SNX19: variants seen among roughly 807,000 people sequenced by gnomAD.
The protein encoded by SNX19 is sorting nexin 19.
SNX19 carries 60 observed loss-of-function variants against 85.2 expected under a neutral mutation model. The ratio of observed to expected loss-of-function variants is 0.70; its 90% confidence interval spans 0.57 to 0.87. SNX19 has a LOEUF of 0.87. SNX19 is among the 40% of genes least tolerant of loss of function. The probability of loss-of-function intolerance (pLI) is 0.00; values close to 1 mark genes in which losing one functional copy is unlikely to be tolerated. For missense variants in SNX19, 1,201 were observed against 1,217.8 expected, an observed-to-expected ratio of 0.99 and a Z score of 0.21; for synonymous variants, 520 against 470.0, an observed-to-expected ratio of 1.11 and a Z score of -1.38.
intron 1 of SNX19, 66 bp from the exon 2 acceptor site, chr11:130,911,837 C>T: frequency 1.3e-6 from 2 of 1,531,942 alleles, no homozygotes; most frequent in Non-Finnish European, 1.8e-6. Flanking sequence ...TCTGGCTTTA[C>T]TGACTACTTG....
Position 130,914,273 on chromosome 11 carries a change from G to C in SNX19, c.1667C>G (p.Thr556Ser). ...GTGFHPYTLY[T>S]VKYETALDGE... Reference sequence around the variant, plus strand: ...CAGCTTTAATCCTGTTACCTTCACAGTATAGAGTGTGTATGGGTGGAATCC... The same window carrying C: ...CAGCTTTAATCCTGTTACCTTCACACTATAGAGTGTGTATGGGTGGAATCC... Residue 556 changes from threonine (T) to serine (S), a missense_variant, in exon 1 of 11, where the codon ACT becomes AGT. Thr to Ser is a moderately conservative substitution (Grantham distance 58). Around this residue, in one of 3 missense-constraint regions of SNX19, gnomAD observed 791 missense variants for 750.9 expected, o/e 1.05. Coordinates refer to ENST00000265909, the MANE Select transcript of SNX19 (RefSeq NM_014758.3). 6.3e-7 allele frequency: 1 copy of C among 1,576,798 alleles called. No homozygotes were observed.
Position 130,868,673 on chromosome 11 carries a change from A to C in SNX19, c.*9749T>G, listed in dbSNP as rs4411284. The C allele has an allele frequency of 0.43, 65,214 of 151,922 alleles. 14,376 individuals carry two copies. Among genetic ancestry groups the C allele is most frequent in the South Asian group, 0.56 (2,697 of 4,810 alleles). The allele number at this position is 151,922 out of a possible 1,614,324, so 9.4% of individuals were successfully genotyped here. ...TGAGGTTAAGTACTCCTCCGCCCCCAACCCCCCGACCACACCCCATGCCCA... is the reference window on the plus strand; with the variant it reads ...TGAGGTTAAGTACTCCTCCGCCCCCCACCCCCCGACCACACCCCATGCCCA... On this transcript the variant is annotated 3_prime_UTR_variant, in exon 11 of 11. Transcript: ENST00000265909.
intron 4 of SNX19, among the ~76,000 whole-genome samples, chr11:130,908,907 T>C (rs781417776): frequency 1.3e-5 from 2 of 152,222 alleles, no homozygotes; most frequent in Non-Finnish European, 2.9e-5. Context: ...CCATGCCTTC[T>C]TTGACTCATT....
rs577295659 is a variant in SNX19 at position 130,876,968 on chromosome 11, A to G, written c.*1454T>C. On this transcript the variant is annotated 3_prime_UTR_variant, in exon 11 of 11. Coordinates refer to ENST00000265909, the MANE Select transcript of SNX19 (RefSeq NM_014758.3). ...CCTCCAGAGGGGCAAAAAAGTAAAA[A>G]GATTTTACAACTTTCTTCCACAAAC... 6.6e-6 allele frequency: 1 copy of G among 152,374 alleles called. No individual in the cohort carries two copies. Among genetic ancestry groups the G allele is most frequent in the Admixed American group, 6.5e-5 (1 of 15,312 alleles). The allele number at this position is 152,374 out of a possible 1,614,324, so 9.4% of individuals were successfully genotyped here.
intron 8 of SNX19, among the ~76,000 whole-genome samples, chr11:130,892,038 T>A (rs1477012454): frequency 1.3e-5 from 2 of 151,626 alleles, no homozygotes; most frequent in African/African-American, 4.9e-5. Context: ...AAGACGGGGT[T>A]TCACCATGTT....
At position 130,866,664 on chromosome 11, in the gene SNX19, G is replaced by A. The variant is rs1240122839; in HGVS notation, c.*11758C>T. On this transcript the variant is annotated 3_prime_UTR_variant, in exon 11 of 11. Coordinates refer to ENST00000265909, the MANE Select transcript of SNX19 (RefSeq NM_014758.3). The stretch of plus-strand genomic sequence containing the variant: ...ATTCTGCCCAGAGCAACGGAGGGCA[G>A]CGTGGTTTACCAGCGAAAGGACTGA... 2 of 152,344 alleles carry A rather than the reference G, an allele frequency of 1.3e-5. No individual in the cohort carries two copies. The highest frequency in any genetic ancestry group is 3.9e-4 in the East Asian group (2 of 5,192). The allele number at this position is 152,344 out of a possible 1,614,324, so 9.4% of individuals were successfully genotyped here.
intron 8 of SNX19, chr11:130,893,738 G>C: frequency 1.4e-6 from 1 of 694,438 alleles, no homozygotes; most frequent in African/African-American, 1.8e-5. Context: ...CTGGGGGAGA[G>C]AGGAGGCAGG....
chr11:130,906,518 C>A, intron 6 of SNX19, 107 bp downstream of exon 6: 2 of 803,874 alleles, frequency 2.5e-6, no homozygotes, highest in South Asian at 1.5e-5. Flanking sequence ...TTGATTAAGT[C>A]ATTTAGCAGG....
rs771372050 is a variant in SNX19 at position 130,915,388 on chromosome 11, C to G, written c.552G>C (p.Glu184Asp). 5 of 1,614,016 alleles carry G rather than the reference C, an allele frequency of 3.1e-6. No individual in the cohort carries two copies. The highest frequency in any genetic ancestry group is 1.1e-5 in the South Asian group (1 of 91,080). Residue 184 changes from glutamate to aspartate, a missense_variant, in exon 1 of 11, where the codon GAG (glutamate) becomes GAC (aspartate). Coordinates refer to ENST00000265909, the MANE Select transcript of SNX19 (RefSeq NM_014758.3). ...AGTAAGCCTCCCAGAGGTGGGAAGG[C>G]TCAACTGGACCATTCTTCCCTGCAG... ...EATAGKNGPV[E>D]PSHLWEAYCR...
Position 130,910,007 on chromosome 11 carries a change from C to A in SNX19, c.2034+11G>T, listed in dbSNP as rs1945970279. On this transcript the variant is annotated intron_variant, in intron 4 of 10. Transcript: ENST00000265909. ...CAAAACTAAAGCTGAGCACAGTGGC[C>A]CTGCTGGTACCTTGTCTATTCTAGA... 1.2e-6 allele frequency: 2 copies of A among 1,612,444 alleles called. No homozygotes were observed. The highest frequency in any genetic ancestry group is 2.2e-5 in the South Asian group (2 of 90,992).
chr11:130,908,837 G>A (rs757341289), intron 4 of SNX19, among the ~76,000 whole-genome samples: 1 of 152,200 alleles, frequency 6.6e-6, no homozygotes, highest in East Asian at 1.9e-4. Context: ...GAAACAGAAC[G>A]AAACATTTAC....
chr11:130,880,891 G>A, intron 8 of SNX19, 85 bp from the exon 9 acceptor site: 1 of 1,167,670 alleles, frequency 8.6e-7, no homozygotes, highest in Non-Finnish European at 1.2e-6. Flanking sequence ...ATGTTCCCCT[G>A]CAGATTCGTG....
Position 130,915,972 on chromosome 11 carries a change from C to G in SNX19, c.-33G>C. The G allele has an allele frequency of 6.3e-7, 1 of 1,580,000 alleles. No homozygotes were observed. The highest frequency in any genetic ancestry group is 8.6e-7 in the Non-Finnish European group (1 of 1,158,282). On this transcript the variant is annotated 5_prime_UTR_variant, in exon 1 of 11. Transcript: ENST00000265909. Reference sequence around the variant, plus strand: ...CGGACAAGGTGGCTTCCCCAGATGACAGCCCTCAAGATTTTACTTCAGAGT... The same window carrying G: ...CGGACAAGGTGGCTTCCCCAGATGAGAGCCCTCAAGATTTTACTTCAGAGT...
At chr11:130,912,979 T>C (rs192730922) in intron 1 of SNX19, among the ~76,000 whole-genome samples, 319 of 152,366 alleles carry the variant, frequency 2.1e-3, no homozygotes, top group Non-Finnish European at 3.2e-3. Flanking sequence ...CTACTCATAA[T>C]TGGCTATATT....
Position 130,914,484 on chromosome 11 carries a change from C to T in SNX19, c.1456G>A (p.Asp486Asn). The change falls in exon 1 of 11, where the codon GAT (aspartate) becomes AAT (asparagine). Residue 486 changes from aspartate to asparagine, a missense_variant. Transcript: ENST00000265909. ...AGGGAGCTCACATCATTGGTGAGAT[C>T]CTTCTCTAAGCATGACGGCCGTGAG... ...CPSRPSCLEK[D>N]LTNDVSSLDP... 6.2e-7 allele frequency: 1 copy of T among 1,613,888 alleles called. No individual in the cohort carries two copies. The highest frequency in any genetic ancestry group is 1.1e-5 in the South Asian group (1 of 91,062).
At chr11:130,898,164 T>TG (rs397951574) in intron 8 of SNX19, among the ~76,000 whole-genome samples, 1 of 151,700 alleles carries the variant, frequency 6.6e-6, no homozygotes. Flanking sequence ...TTTTTTTTTT[T>TG]CCTTTGCAGG....
rs989666814 is a variant in SNX19 at position 130,870,816 on chromosome 11, A to C, written c.*7606T>G. On this transcript the variant is annotated 3_prime_UTR_variant, in exon 11 of 11. Transcript: ENST00000265909. ...TGTACCTATCATGCACTAGGTATAT[A>C]CATATAGTTGGGGGGGGGGCATAAG... 9.4e-6 allele frequency among the ~76,000 whole-genome samples: 1 copy of C among 106,074 alleles called. No homozygotes were observed. The highest frequency in any genetic ancestry group is 1.9e-5 in the Non-Finnish European group (1 of 51,312). The allele number at this position is 106,074 out of a possible 152,430, so 69.6% of individuals were successfully genotyped here.
intron 8 of SNX19, among the ~76,000 whole-genome samples, chr11:130,899,898 C>G (rs568355743): frequency 5.3e-5 from 8 of 152,118 alleles, no homozygotes; most frequent in Non-Finnish European, 1.0e-4. Context: ...TTCCATAAAA[C>G]AGAATAAGAC....
Position 130,878,525 on chromosome 11 carries a change from A to T in SNX19, c.2876T>A (p.Ile959Asn). The change falls in exon 11 of 11, where the codon ATC becomes AAC. Residue 959 changes from isoleucine (I) to asparagine (N), a missense_variant. Transcript: ENST00000265909. ...RHLIYCLGDI[I>N]LEFLDLSASV... ...GGCACTGAGATCCAAGAATTCCAGG[A>T]TGATGTCCCCAAGGCAGTAAATCAA... is the stretch of plus-strand genomic sequence containing the variant. 6.2e-7 allele frequency: 1 copy of T among 1,613,894 alleles called. No homozygotes were observed. Among genetic ancestry groups the T allele is most frequent in the Non-Finnish European group, 8.5e-7 (1 of 1,179,874 alleles).
Sources: allele counts gnomAD v4.1 joint callset (sites outside exome capture counted in the v4.1 genomes callset), GRCh38; gene constraint gnomAD v4.1.1; regional missense constraint gnomAD v4.1.1; transcripts MANE v1.5; gene names NCBI Gene and HGNC (gene_info 2026-07-23, HGNC 2026-07-21).